UBN2: variants seen among roughly 807,000 people sequenced by gnomAD.
UBN2 encodes the protein ubinuclein-2.
In UBN2, 35 loss-of-function variants were observed where a neutral mutation model predicts 120.2. The ratio of observed to expected loss-of-function variants is 0.29; its 90% CI spans 0.22 to 0.39. UBN2 has a LOEUF of 0.39. Among genes scored for constraint, UBN2 ranks in the 10% least tolerant of loss-of-function variants. The pLI, the probability that UBN2 is intolerant of heterozygous loss-of-function variation, is 1.00. For missense variants in UBN2, 1,693 were observed against 1,663.2 expected (o/e 1.02, Z -0.31); for synonymous variants, 661 against 648.7 (o/e 1.02, Z -0.29).
chr7:139,265,977 A>G (rs1171381959), intron 6 of UBN2, among the ~76,000 whole-genome samples: 1 of 152,142 alleles, frequency 6.6e-6, no homozygotes, highest in Non-Finnish European at 1.5e-5. Flanking sequence ...AACTTACACA[A>G]TACCCAGCTG....
chr7:139,283,907 C>G lies in UBN2; in HGVS notation c.3002C>G (p.Ser1001Cys). 6.2e-7 allele frequency: 1 copy of G among 1,614,130 alleles called. No individual in the cohort carries two copies. Among genetic ancestry groups the G allele is most frequent in the Non-Finnish European group, 8.5e-7 (1 of 1,180,020 alleles). Reference protein sequence around the residue: ...NGSQGSHPLVSRTVPSTTTSS... With the variant: ...NGSQGSHPLVCRTVPSTTTSS... ...TCTCAAGGGTCCCACCCCCTGGTTT[C>G]TAGGACAGTACCTAGCACCACTACC... The change falls in exon 15 of 18, where the codon TCT becomes TGT. Residue 1001 changes from serine (S) to cysteine (C), a missense_variant. Around this residue, in one of 5 missense-constraint regions of UBN2, gnomAD observed 837 missense variants for 817.6 expected, o/e 1.02. Transcript: ENST00000473989.
downstream of UBN2, among the ~76,000 whole-genome samples, chr7:139,312,913 A>G (rs1383549378): frequency 6.6e-6 from 1 of 152,148 alleles, no homozygotes; most frequent in Admixed American, 6.5e-5. Context: ...TATTTCTCCC[A>G]TTAATTTGTG....
intron 12 of UBN2, chr7:139,276,441 C>G: frequency 2.5e-6 from 1 of 401,548 alleles, no homozygotes; most frequent in Non-Finnish European, 4.6e-6. Flanking sequence ...GTCTTTTTCT[C>G]CACCTCTTAA....
At chr7:139,325,327 G>A in the UBN2 span, among the ~76,000 whole-genome samples, 1 of 144,734 alleles carries the variant, frequency 6.9e-6, no homozygotes, top group East Asian at 2.0e-4. Context: ...GAGTGCAATG[G>A]TGCGATCTTG....
intron 2 of UBN2, among the ~76,000 whole-genome samples, chr7:139,243,785 G>C (rs975064144): frequency 1.3e-5 from 2 of 152,190 alleles, no homozygotes; most frequent in Non-Finnish European, 2.9e-5. Flanking sequence ...GTGCCTTATA[G>C]TTGGCAAAAA....
chr7:139,265,230 C>G (rs1016645198), intron 6 of UBN2, among the ~76,000 whole-genome samples: 4 of 151,966 alleles, frequency 2.6e-5, no homozygotes, highest in African/African-American at 9.7e-5. Flanking sequence ...GCGCAGTGGC[C>G]CACACCTGTA....
At chr7:139,269,826 A>G (rs978257284) in intron 8 of UBN2, among the ~76,000 whole-genome samples, 1 of 150,902 alleles carries the variant, frequency 6.6e-6, no homozygotes, top group African/African-American at 2.4e-5. Context: ...TTTCCTTTTG[A>G]TACGGGGTCT....
chr7:139,322,638 T>TTTTTTTTA, the UBN2 span, among the ~76,000 whole-genome samples: 1 of 150,238 alleles, frequency 6.7e-6, no homozygotes, highest in African/African-American at 2.4e-5. Flanking sequence ...TTTTTTTTTT[T>TTTTTTTTA]GAGACAGAGC....
At chr7:139,268,531 C>G (rs1215233967) in intron 7 of UBN2, among the ~76,000 whole-genome samples, 1 of 151,916 alleles carries the variant, frequency 6.6e-6, no homozygotes, top group Non-Finnish European at 1.5e-5. Flanking sequence ...CCCTTTTTTT[C>G]CTGATTGAAT....
At chr7:139,273,252 G>T in intron 9 of UBN2, 45 bp from the exon 10 acceptor site, 1 of 1,320,662 alleles carries the variant, frequency 7.6e-7, no homozygotes, top group Admixed American at 1.9e-5. Context: ...TATATAGGCA[G>T]TGTTGGGTTA....
chr7:139,243,116 G>GC (rs1401260478), intron 2 of UBN2, among the ~76,000 whole-genome samples: 1 of 152,080 alleles, frequency 6.6e-6, no homozygotes, highest in Non-Finnish European at 1.5e-5. Context: ...TTGTTTGTTT[G>GC]TTTTCCAGTT....
Position 139,272,427 on chromosome 7 carries a change from G to T in UBN2, c.1702G>T (p.Ala568Ser), listed in dbSNP as rs757131511. 2 of 1,612,372 alleles carry T rather than the reference G, an allele frequency of 1.2e-6. No individual in the cohort carries two copies. Among genetic ancestry groups the T allele is most frequent in the South Asian group, 2.2e-5 (2 of 90,632 alleles). Residue 568 changes from alanine to serine, a missense_variant, in exon 9 of 18, where the codon GCT (alanine) becomes TCT (serine). Physicochemically the swap from Ala to Ser is moderately conservative, Grantham distance 99. Coordinates refer to ENST00000473989, the MANE Select transcript of UBN2 (RefSeq NM_173569.4). Reference protein sequence around the residue: ...YQEDCQARSQAKCAKLQTDEE... With the variant: ...YQEDCQARSQSKCAKLQTDEE... The stretch of plus-strand genomic sequence containing the variant: ...GGAGGACTGCCAGGCTCGTAGTCAA[G>T]CTAAGTGTGCCAAGTATGTATCTCT...
rs1798186751 is a variant in UBN2 at position 139,298,929 on chromosome 7, A to G, written c.*1093A>G. The stretch of plus-strand genomic sequence containing the variant: ...TGAATATAGTTTTTGAATTTTTAAG[A>G]TGGTATTTTAAAGGGAGGAATCACA... On this transcript the variant is annotated 3_prime_UTR_variant, in exon 18 of 18. Transcript: ENST00000473989. 1 of 152,114 alleles carries G rather than the reference A, an allele frequency of 6.6e-6. No individual in the cohort carries two copies. The highest frequency in any genetic ancestry group is 2.4e-5 in the African/African-American group (1 of 41,426). 9.4% of individuals were successfully genotyped at this position (152,114 alleles called of 1,614,324 possible). A position where few individuals can be genotyped will look rare whatever the true frequency, so the allele number is the denominator to read the frequency against.
At chr7:139,267,964 T>C (rs1009097143) in intron 7 of UBN2, among the ~76,000 whole-genome samples, 11 of 152,214 alleles carry the variant, frequency 7.2e-5, no homozygotes, top group Admixed American at 5.9e-4. Flanking sequence ...CCAGATTCCA[T>C]AGTCAGGGAT....
At chr7:139,312,863 T>C (rs1798466567), downstream of UBN2, among the ~76,000 whole-genome samples, 1 of 152,218 alleles carries the variant, frequency 6.6e-6, no homozygotes, top group Non-Finnish European at 1.5e-5. Context: ...TTTTTCTGTA[T>C]TTAGTGAAGC....
At chr7:139,317,440 C>T in the UBN2 span, among the ~76,000 whole-genome samples, 1 of 151,842 alleles carries the variant, frequency 6.6e-6, no homozygotes, top group South Asian at 2.1e-4. Context: ...TGGCTCCCAA[C>T]AAGAAACACA....
At chr7:139,278,259 G>A (rs1341038699) in intron 12 of UBN2, among the ~76,000 whole-genome samples, 1 of 146,760 alleles carries the variant, frequency 6.8e-6, no homozygotes, top group Admixed American at 7.0e-5. Flanking sequence ...TCAACTCGCT[G>A]CAACGTCCAT....
the UBN2 span, among the ~76,000 whole-genome samples, chr7:139,323,567 T>G: frequency 2.1e-5 from 2 of 94,024 alleles, no homozygotes; most frequent in African/African-American, 8.4e-5. Context: ...TTATTATTAT[T>G]ATTATTATTA....
At chr7:139,310,917 CTT>C (rs1232438024), downstream of UBN2, among the ~76,000 whole-genome samples, 1 of 152,130 alleles carries the variant, frequency 6.6e-6, no homozygotes. Context: ...TGTGATATCA[CTT>C]ATTGATGGGT....
Sources: gnomAD v4.1 joint callset for allele counts (sites outside exome capture counted in the v4.1 genomes callset) on GRCh38, gnomAD v4.1.1 for gene constraint, gnomAD v4.1.1 regional missense constraint, MANE v1.5 for transcripts, NCBI Gene and HGNC (gene_info 2026-07-23, HGNC 2026-07-21) for gene names.